MAP3K15: variants seen among roughly 807,000 people sequenced by gnomAD.
MAP3K15 encodes the protein mitogen-activated protein kinase kinase kinase 15, also known as MAPK/ERK kinase kinase 15.
In MAP3K15, 124 loss-of-function variants were observed where a neutral mutation model predicts 99.5. The observed-to-expected ratio is 1.25, with a 90% confidence interval of 1.08 to 1.45. The LOEUF is 1.45. Among genes scored for constraint, MAP3K15 ranks in the 40% most tolerant of loss-of-function variants. The pLI, the probability that MAP3K15 is intolerant of heterozygous loss-of-function variation, is 0.00. For missense variants in MAP3K15, 1,242 were observed against 1,079.7 expected, an observed-to-expected ratio of 1.15 and a Z score of -2.11; for synonymous variants, 494 against 439.6, an observed-to-expected ratio of 1.12 and a Z score of -1.55.
chrX:19,424,193 T>C (rs73637644), intron 9 of MAP3K15, among the ~76,000 whole-genome samples: 2,051 of 106,606 alleles, frequency 0.019, 47 homozygotes, highest in African/African-American at 0.067. Context: ...CATGTATATA[T>C]ACACACACAC....
rs2064149760 is a variant in MAP3K15, at chrX:19,464,187, G to A, written c.719+26C>T. On this transcript the variant is annotated intron_variant, in intron 4 of 28. Transcript: ENST00000338883. ...GGGGACATCTTGGTGAGTCTCCAGG[G>A]GTTACTGGTGGCAGATGGGAATTAC... is the stretch of plus-strand genomic sequence containing the variant. 2 of 1,155,481 alleles carry A rather than the reference G, an allele frequency of 1.7e-6. 1 individual carries two copies.
intron 13 of MAP3K15, among the ~76,000 whole-genome samples, chrX:19,404,723 A>C (rs1415755188): frequency 8.9e-6 from 1 of 111,960 alleles, no homozygotes; most frequent in East Asian, 2.8e-4. Flanking sequence ...CTGATTTCCA[A>C]AAAGAGTACC....
Position 19,485,223 on chromosome X carries a change from C to T in MAP3K15, c.525+1259G>A, listed in dbSNP as rs1036196911. 6.3e-5 allele frequency among the ~76,000 whole-genome samples: 6 copies of T among 95,955 alleles called. No individual in the cohort carries two copies. The Admixed American group carries it at 6.4e-4, about 10-fold the overall frequency. The allele number at this position is 95,955 out of a possible 115,157, so 83.3% of individuals were successfully genotyped here. ...ACTCAGGAGGCTGAGACAGGAGAAT[C>T]GCTTGAACCCTGGAGGCAGAGGTTG... is the stretch of plus-strand genomic sequence containing the variant. On this transcript the variant is annotated intron_variant, in intron 3 of 28. Coordinates refer to ENST00000338883, the MANE Select transcript of MAP3K15 (RefSeq NM_001001671.4).
At chrX:19,482,785 C>T (rs762191345) in intron 3 of MAP3K15, among the ~76,000 whole-genome samples, 3 of 106,414 alleles carry the variant, frequency 2.8e-5, no homozygotes, top group African/African-American at 6.6e-5. Flanking sequence ...TTCAAAAAAA[C>T]AAAACAAAAC....
intron 15 of MAP3K15, among the ~76,000 whole-genome samples, chrX:19,395,831 TAAA>T (rs2063564286): frequency 8.9e-6 from 1 of 112,314 alleles, no homozygotes; most frequent in Non-Finnish European, 1.9e-5. Flanking sequence ...GGCTAAGCCT[TAAA>T]AAATTTTTTT....
chrX:19,379,516 C>T (rs765860578), intron 19 of MAP3K15, among the ~76,000 whole-genome samples: 3 of 95,557 alleles, frequency 3.1e-5, no homozygotes, highest in African/African-American at 4.1e-5. Flanking sequence ...GGTGCAATCT[C>T]GGCTCACTGC....
chrX:19,365,721 A>G (rs2063330108), intron 25 of MAP3K15, among the ~76,000 whole-genome samples: 1 of 111,672 alleles, frequency 9.0e-6, no homozygotes, highest in Admixed American at 9.5e-5. Flanking sequence ...AAATTACTGA[A>G]GGCTGCTGGG....
intron 6 of MAP3K15, among the ~76,000 whole-genome samples, chrX:19,447,273 A>G (rs2064004901): frequency 9.0e-6 from 1 of 111,528 alleles, no homozygotes; most frequent in African/African-American, 3.3e-5. Context: ...ATACCCAGCT[A>G]GTTAGGAGGA....
intron 3 of MAP3K15, among the ~76,000 whole-genome samples, chrX:19,482,851 C>T (rs1159593639): frequency 2.7e-5 from 3 of 111,546 alleles, no homozygotes; most frequent in Non-Finnish European, 5.6e-5. Context: ...AAAGGTGATA[C>T]CATGTTTCCA....
intron 3 of MAP3K15, among the ~76,000 whole-genome samples, chrX:19,469,131 G>A (rs60612039): frequency 0.015 from 1,711 of 111,069 alleles, 41 homozygotes; most frequent in African/African-American, 0.052. Flanking sequence ...GAGGCATCAC[G>A]CTACCTGACT....
chrX:19,474,345 G>A (rs1334300185), intron 3 of MAP3K15, among the ~76,000 whole-genome samples: 1 of 110,951 alleles, frequency 9.0e-6, no homozygotes, highest in African/African-American at 3.3e-5. Flanking sequence ...CATCCTAAAT[G>A]GATGACCCTG....
intron 3 of MAP3K15, among the ~76,000 whole-genome samples, chrX:19,465,224 C>T (rs1372838112): frequency 1.8e-5 from 2 of 111,251 alleles, no homozygotes; most frequent in East Asian, 2.8e-4. Flanking sequence ...GTCCTGAAAT[C>T]ATCATCTTAC....
intron 2 of MAP3K15, 105 bp downstream of exon 2, chrX:19,488,723 G>C: frequency 1.2e-6 from 1 of 802,779 alleles, no homozygotes; most frequent in Admixed American, 2.5e-5. Context: ...GCACAAGCAA[G>C]TCTTTGTTTT....
intron 6 of MAP3K15, among the ~76,000 whole-genome samples, chrX:19,455,326 C>T (rs1188300495): frequency 9.4e-6 from 1 of 106,565 alleles, no homozygotes; most frequent in African/African-American, 3.5e-5. Flanking sequence ...TACCAATTTT[C>T]TATGTCTTTT....
intron 13 of MAP3K15, 139 bp from the exon 14 acceptor site, chrX:19,400,802 T>C: frequency 2.3e-6 from 1 of 431,844 alleles, no homozygotes. Context: ...CCTCCTTGAT[T>C]TGACGTGGTA....
intron 15 of MAP3K15, among the ~76,000 whole-genome samples, chrX:19,395,924 T>C (rs774107352): frequency 1.1e-4 from 12 of 112,348 alleles, no homozygotes; most frequent in African/African-American, 3.9e-4. Flanking sequence ...TCTCTGAATA[T>C]ACTTTGTGTT....
At chrX:19,457,402 A>G (rs567220459) in intron 5 of MAP3K15, among the ~76,000 whole-genome samples, 1 of 111,663 alleles carries the variant, frequency 9.0e-6, no homozygotes, top group Non-Finnish European at 1.9e-5. Context: ...ACTTGAAGTC[A>G]GGAGTTCGAG....
rs745426078 is a variant in MAP3K15, at chrX:19,431,472, T to C, written c.1132A>G (p.Lys378Glu). The C allele has an allele frequency of 1.8e-5, 22 of 1,200,391 alleles. No homozygotes were observed. The East Asian group carries it at 6.5e-4, about 35-fold the overall frequency. ...YKDIFLDSDC[K>E]DDTSRDSAIE... ...GCGCTGTCGCGGCTGGTGTCATCTT[T>C]GCAGTCTGAATCCAAGAAGATGTCC... Residue 378 changes from lysine to glutamate, a missense_variant, in exon 7 of 29, where the codon AAA (lysine) becomes GAA (glutamate). By Grantham distance (56) the Lys-to-Glu change is moderately conservative. Coordinates refer to ENST00000338883, the MANE Select transcript of MAP3K15 (RefSeq NM_001001671.4).
chrX:19,384,909 A>C (rs1226970849), intron 18 of MAP3K15, among the ~76,000 whole-genome samples: 1 of 110,986 alleles, frequency 9.0e-6, no homozygotes, highest in African/African-American at 3.3e-5. Flanking sequence ...GTATCAAAAT[A>C]GTCTATATAC....
Sources: gnomAD v4.1 joint callset for allele counts (sites outside exome capture counted in the v4.1 genomes callset) on GRCh38, gnomAD v4.1.1 for gene constraint, MANE v1.5 for transcripts, NCBI Gene and HGNC (gene_info 2026-07-23, HGNC 2026-07-21) for gene names.